Variants in DCDC1 observed in about 807,000 individuals in gnomAD.
DCDC1 encodes the protein doublecortin domain containing 1, also known as doublecortin domain-containing protein 1.
Under a neutral mutation model 178.3 loss-of-function variants are expected in DCDC1, and 200 were observed. The ratio of observed to expected loss-of-function variants is 1.12; its 90% CI spans 1.00 to 1.26. DCDC1 has a LOEUF of 1.26. Ranked by LOEUF, DCDC1 falls within the 50% of genes most tolerant of loss-of-function variation. The pLI, the probability that DCDC1 is intolerant of heterozygous loss-of-function variation, is 0.00. For missense variants in DCDC1, 1,983 were observed against 1,749.2 expected (o/e 1.13, Z -2.38); for synonymous variants, 690 against 604.8 (o/e 1.14, Z -2.07).
chr11:30,997,309 G>T (rs1951323896), intron 20 of DCDC1, among the ~76,000 whole-genome samples: 1 of 152,172 alleles, frequency 6.6e-6, no homozygotes, highest in South Asian at 2.1e-4. Context: ...ACTGTATGCT[G>T]AAGAGTGGCT....
rs192072011 is a variant in DCDC1 at position 31,205,517 on chromosome 11, T to C, written c.1221+35933A>G. On this transcript the variant is annotated intron_variant, in intron 9 of 38. Transcript: ENST00000684477. ...ATCACAATAAAGGAAAGGTACTTTGTCTGCTTCTTTTAAGTACAATTCTTA... is the reference window on the plus strand; with the variant it reads ...ATCACAATAAAGGAAAGGTACTTTGCCTGCTTCTTTTAAGTACAATTCTTA... 1.4e-4 allele frequency among the ~76,000 whole-genome samples: 21 copies of C among 152,202 alleles called. 1 individual carries two copies. Among genetic ancestry groups the C allele is most frequent in the Admixed American group, 1.2e-3 (19 of 15,282 alleles).
Position 30,947,378 on chromosome 11 carries a change from A to G in DCDC1, c.2715+5067T>C, listed in dbSNP as rs528124117. 7.9e-5 allele frequency among the ~76,000 whole-genome samples: 12 copies of G among 152,274 alleles called. No homozygotes were observed. In the East Asian group the frequency reaches 1.2e-3, roughly 15 times the overall value. ...GGCATAAAAACATATAGACTAAATG[A>G]ATAGAATAGATGGCCTATAAATAAA... On this transcript the variant is annotated intron_variant, in intron 21 of 38. Transcript: ENST00000684477.
chr11:31,131,188 C>CAAAAAA lies in DCDC1; in HGVS notation c.1315-3555_1315-3550dup, dbSNP rs565349028. ...TGGGCGACAGAGCGAGACTCCGTCT[C>CAAAAAA]AAAAAAAAAAAAAAAGAAAACAAAA... is the stretch of plus-strand genomic sequence containing the variant. On this transcript the variant is annotated intron_variant, in intron 10 of 38. Coordinates refer to ENST00000684477, the MANE Select transcript of DCDC1 (RefSeq NM_001387274.1). Among the ~76,000 whole-genome samples, 47 of 21,564 alleles carry CAAAAAA rather than the reference C, an allele frequency of 2.2e-3. 3 individuals are homozygous for CAAAAAA. The highest frequency in any genetic ancestry group is 4.4e-3 in the African/African-American group (40 of 9,068). The allele number at this position is 21,564 out of a possible 152,430, so 14.1% of individuals were successfully genotyped here.
At chr11:30,888,124 AAGAAAG>A (rs1565030130) in intron 36 of DCDC1, among the ~76,000 whole-genome samples, 4 of 137,120 alleles carry the variant, frequency 2.9e-5, no homozygotes, top group African/African-American at 8.0e-5. Context: ...GAAAGAAAGA[AAGAAAG>A]AAAGAAAGAA....
intron 1 of DCDC1, among the ~76,000 whole-genome samples, chr11:31,348,240 T>C (rs1292819836): frequency 5.3e-5 from 8 of 152,178 alleles, no homozygotes; most frequent in Admixed American, 3.9e-4. Context: ...TATAGTAGAA[T>C]TGAATATTCG....
In DCDC1 at chr11:31,103,657, G is replaced by A. The variant is rs1439005304; in HGVS notation, c.1864C>T (p.Pro622Ser). Residue 622 changes from proline to serine, a missense_variant, in exon 14 of 39, where the codon CCT (proline) becomes TCT (serine). Physicochemically the swap from Pro to Ser is moderately conservative, Grantham distance 74. Transcript: ENST00000684477. ...TFLDPNAVLL[P>S]GCGNWEVCEG... is the part of the protein sequence containing the mutation. ...TTGTTAATTTACTTGCCACATCCAG[G>A]TAGCAGAACAGCATTAGGATCCAAA... The A allele has an allele frequency of 1.3e-6, 1 of 760,798 alleles. No individual in the cohort carries two copies. The highest frequency in any genetic ancestry group is 1.4e-5 in the South Asian group (1 of 73,378). The allele number at this position is 760,798 out of a possible 1,614,324, so 47.1% of individuals were successfully genotyped here.
chr11:31,075,056 A>G (rs1956785863), intron 18 of DCDC1, among the ~76,000 whole-genome samples: 1 of 151,876 alleles, frequency 6.6e-6, no homozygotes, highest in African/African-American at 2.4e-5. Flanking sequence ...CCATCCTCTC[A>G]CCCTTCTGAG....
At chr11:31,224,054 CT>C (rs1974613215) in intron 9 of DCDC1, among the ~76,000 whole-genome samples, 1 of 151,970 alleles carries the variant, frequency 6.6e-6, no homozygotes, top group African/African-American at 2.4e-5. Flanking sequence ...GGGGTTTCTG[CT>C]TTTGCTTCTT....
intron 22 of DCDC1, 111 bp from the exon 23 acceptor site, chr11:30,925,519 G>A (rs768830876): frequency 3.6e-5 from 33 of 908,346 alleles, no homozygotes; most frequent in Non-Finnish European, 5.3e-5. Context: ...TCTCTCTGCA[G>A]GACTGTTAGT....
rs148682045 is a variant in DCDC1, at chr11:30,989,254, A to G, written c.2592-36686T>C. On this transcript the variant is annotated intron_variant, in intron 20 of 38. Transcript: ENST00000684477. Reference sequence around the variant, plus strand: ...GGAATGCTTTGTAAGATCAAATAATATCAGAACAGAGAAACGACTTTTGTA... The same window carrying G: ...GGAATGCTTTGTAAGATCAAATAATGTCAGAACAGAGAAACGACTTTTGTA... Among the ~76,000 whole-genome samples, 944 of 152,348 alleles carry G rather than the reference A, an allele frequency of 6.2e-3. 12 individuals carry two copies. Among genetic ancestry groups the G allele is most frequent in the African/African-American group, 0.019 (807 of 41,590 alleles).
At position 31,074,314 on chromosome 11, in the gene DCDC1, C is replaced by T. The variant is rs117459074; in HGVS notation, c.2298+3551G>A. Among the ~76,000 whole-genome samples, 451 of 152,244 alleles carry T rather than the reference C, an allele frequency of 3.0e-3. 22 individuals are homozygous for T. The East Asian group carries it at 0.079, about 27-fold the overall frequency. On this transcript the variant is annotated intron_variant, in intron 18 of 38. Transcript: ENST00000684477. ...GAGGTGCTTAGCTGGTAACCCTCCA[C>T]ACAAAAGTCATTTGCTATGGTCTGA... is the stretch of plus-strand genomic sequence containing the variant.
At chr11:30,914,474 G>A (rs754050536) in intron 27 of DCDC1, among the ~76,000 whole-genome samples, 5 of 152,228 alleles carry the variant, frequency 3.3e-5, no homozygotes, top group Non-Finnish European at 4.4e-5. Flanking sequence ...TAAATTGCAC[G>A]ATGCACAAAC....
At chr11:30,876,802 C>CA (rs902791009) in intron 38 of DCDC1, among the ~76,000 whole-genome samples, 17 of 151,842 alleles carry the variant, frequency 1.1e-4, no homozygotes, top group South Asian at 4.2e-4. Context: ...GGAATGAAAA[C>CA]AAAAAATTGT....
chr11:31,366,191 A>G (rs1262105502), intron 1 of DCDC1, among the ~76,000 whole-genome samples: 4 of 152,176 alleles, frequency 2.6e-5, no homozygotes, highest in African/African-American at 4.8e-5. Context: ...GACTAAACAC[A>G]TATGTTCTGA....
intron 6 of DCDC1, among the ~76,000 whole-genome samples, chr11:31,303,808 C>T (rs1190964463): frequency 6.6e-6 from 1 of 152,102 alleles, no homozygotes. Context: ...AATTTCTTTT[C>T]TCAAAAGACA....
At chr11:30,968,946 T>C (rs1049967156) in intron 20 of DCDC1, among the ~76,000 whole-genome samples, 5 of 151,828 alleles carry the variant, frequency 3.3e-5, no homozygotes, top group Non-Finnish European at 5.9e-5. Flanking sequence ...ATCATTTGCA[T>C]GATATAATTT....
At chr11:31,159,328 A>T (rs775691413) in intron 9 of DCDC1, among the ~76,000 whole-genome samples, 18 of 152,212 alleles carry the variant, frequency 1.2e-4, no homozygotes, top group Non-Finnish European at 2.4e-4. Flanking sequence ...GTAGGGACAA[A>T]AAGGTACATT....
At chr11:31,033,509 C>G (rs1351179141) in intron 20 of DCDC1, among the ~76,000 whole-genome samples, 1 of 151,960 alleles carries the variant, frequency 6.6e-6, no homozygotes, top group Non-Finnish European at 1.5e-5. Context: ...ATTCAGTATA[C>G]ATTTATAACA....
intron 35 of DCDC1, 136 bp downstream of exon 35, chr11:30,894,112 G>T: frequency 8.3e-7 from 1 of 1,203,552 alleles, no homozygotes; most frequent in Non-Finnish European, 1.1e-6. Context: ...CTCAATGCTT[G>T]GCATATGCTT....
Sources: gnomAD v4.1 joint callset for allele counts (sites outside exome capture counted in the v4.1 genomes callset) on GRCh38, gnomAD v4.1.1 for gene constraint, MANE v1.5 for transcripts, NCBI Gene and HGNC (gene_info 2026-07-23, HGNC 2026-07-21) for gene names.